The following APOB variants were observed in gnomAD, a reference collection of about 807,000 sequenced individuals.
The protein encoded by APOB is apolipoprotein B-100.
APOB carries 153 observed loss-of-function variants against 314.1 expected under a neutral mutation model. That is an observed-to-expected ratio of 0.49 (90% CI 0.43 to 0.56). APOB has a LOEUF of 0.56. Among genes scored for constraint, APOB ranks in the 20% least tolerant of loss-of-function variants. The probability of loss-of-function intolerance (pLI) is 0.00; values close to 1 mark genes in which losing one functional copy is unlikely to be tolerated. For synonymous variants in APOB, 2,087 were observed against 2,036.4 expected (o/e 1.02, Z -0.67); for missense variants, 5,430 against 5,350.7 (o/e 1.01, Z -0.46).
chr2:21,004,860 C>T (rs1285365996), intron 26 of APOB, among the ~76,000 whole-genome samples, 185 bp from the exon 27 acceptor site: 1 of 152,190 alleles, frequency 6.6e-6, no homozygotes, highest in Non-Finnish European at 1.5e-5. Context: ...AAAATAATTA[C>T]AGAAAAATCC....
chr2:21,005,663 C>T lies in APOB; in HGVS notation c.11205G>A (p.Leu3735=), dbSNP rs1271352889. ...VLADKFIIPG[L]KLNDLNSVLV... The stretch of plus-strand genomic sequence containing the variant: ...GAACTGAATTTAGATCATTTAGTTT[C>T]AGCCCAGGAATAATGAATTTATCAG... Residue 3735 remains leucine, a synonymous_variant, in exon 26 of 29, where the codon CTG becomes CTA. Coordinates refer to ENST00000233242, the MANE Select transcript of APOB (RefSeq NM_000384.3). The T allele has an allele frequency of 1.9e-6, 3 of 1,613,948 alleles. No homozygotes were observed. The highest frequency in any genetic ancestry group is 2.5e-6 in the Non-Finnish European group (3 of 1,179,956).
Position 21,019,457 on chromosome 2 carries a change from C to A in APOB, c.2999+266G>T, listed in dbSNP as rs185721706. 5.5e-3 allele frequency among the ~76,000 whole-genome samples: 836 copies of A among 152,176 alleles called. 6 individuals are homozygous for A. The highest frequency in any genetic ancestry group is 0.019 in the African/African-American group (797 of 41,522). On this transcript the variant is annotated intron_variant, in intron 19 of 28. Transcript: ENST00000233242. The stretch of plus-strand genomic sequence containing the variant: ...TTGGTGGGCTCCAGGAAGCTCATAG[C>A]GATGGGTCTGGAGGCTCAGAAACAT...
chr2:21,005,468 A>C lies in APOB; in HGVS notation c.11400T>G (p.Tyr3800Ter), dbSNP rs376032650. Residue 3800 changes from tyrosine to a stop codon, truncating the protein, a stop_gained, in exon 26 of 29, where the codon TAT (tyrosine) becomes TAG (stop). Coordinates refer to ENST00000233242, the MANE Select transcript of APOB (RefSeq NM_000384.3). LOFTEE classifies it high-confidence loss of function. ...KFPEVDVLTK[Y>*]SQPEDSLIPF... ...GAATCAAGGAGTCTTCTGGTTGAGAATATTTTGTTAACACATCAACTTCAG... is the reference window on the plus strand; with the variant it reads ...GAATCAAGGAGTCTTCTGGTTGAGACTATTTTGTTAACACATCAACTTCAG... 1.2e-6 allele frequency: 2 copies of C among 1,613,964 alleles called. No homozygotes were observed. The highest frequency in any genetic ancestry group is 8.5e-7 in the Non-Finnish European group (1 of 1,179,988).
intron 10 of APOB, among the ~76,000 whole-genome samples, chr2:21,031,879 C>G (rs1283645588): frequency 6.6e-6 from 1 of 151,654 alleles, no homozygotes; most frequent in East Asian, 1.9e-4. Context: ...AAAAACAAAA[C>G]AAACAAACAA....
chr2:21,028,259 C>G, intron 13 of APOB, 68 bp downstream of exon 13: 1 of 1,428,320 alleles, frequency 7.0e-7, no homozygotes, highest in Admixed American at 1.7e-5. Flanking sequence ...GTGGCTATGC[C>G]AAAACCTAGG....
In APOB at chr2:21,014,554, G is replaced by A. The variant is rs1443383340; in HGVS notation, c.3736C>T (p.Pro1246Ser). Reference protein sequence around the residue: ...SWLQKASGSLPYTQTLQDHLN... With the variant: ...SWLQKASGSLSYTQTLQDHLN... ...TGGTCTTGCAAAGTCTGGGTATAAGGAAGACTCCCAGATGCCTTCTGAAGC... is the reference window on the plus strand; with the variant it reads ...TGGTCTTGCAAAGTCTGGGTATAAGAAAGACTCCCAGATGCCTTCTGAAGC... The change falls in exon 24 of 29, where the codon CCT (proline) becomes TCT (serine). Residue 1246 changes from proline to serine, a missense_variant. Coordinates refer to ENST00000233242, the MANE Select transcript of APOB (RefSeq NM_000384.3). The A allele has an allele frequency of 1.2e-6, 2 of 1,613,916 alleles. No homozygotes were observed. Among genetic ancestry groups the A allele is most frequent in the Non-Finnish European group, 1.7e-6 (2 of 1,179,980 alleles).
chr2:21,018,498 AGT>A (rs1663528684), intron 20 of APOB, among the ~76,000 whole-genome samples: 4 of 152,188 alleles, frequency 2.6e-5, no homozygotes, highest in South Asian at 2.1e-4. Flanking sequence ...ACATGGTAGT[AGT>A]GTGTCAGCCT....
At chr2:21,029,405 T>C (rs1289518803) in intron 12 of APOB, among the ~76,000 whole-genome samples, 1 of 151,124 alleles carries the variant, frequency 6.6e-6, no homozygotes, top group African/African-American at 2.4e-5. Context: ...TGAGCCGAGA[T>C]CATGCCACTG....
At chr2:21,031,236 G>A (rs763753676) in intron 10 of APOB, among the ~76,000 whole-genome samples, 3 of 152,222 alleles carry the variant, frequency 2.0e-5, no homozygotes, top group Non-Finnish European at 4.4e-5. Flanking sequence ...GATTAAAAAT[G>A]TGAAATGTAT....
chr2:21,004,557 A>G lies in APOB; in HGVS notation c.11903+4T>C, dbSNP rs541636629. On this transcript the variant is annotated splice_donor_region_variant and intron_variant, in intron 27 of 28. Coordinates refer to ENST00000233242, the MANE Select transcript of APOB (RefSeq NM_000384.3). ...AAGGTTTCAATTCAATAAAAGCTCC[A>G]TACTGAAGTCCTTCATATTTGCCAT... is the stretch of plus-strand genomic sequence containing the variant. The G allele has an allele frequency of 1.9e-6, 3 of 1,613,384 alleles. No individual in the cohort carries two copies. Among genetic ancestry groups the G allele is most frequent in the East Asian group, 4.5e-5 (2 of 44,880 alleles).
rs1439020124 is a variant in APOB, at chr2:21,006,032, A to G, written c.10836T>C (p.Asp3612=). ...CCACTTCCTGGCCAAGGTCAGGGAA[A>G]TCATGGAAGGAACTGGGCTGACTTG... ...VHASQPSSFH[D]FPDLGQEVAL... Residue 3612 remains aspartate (D), a synonymous_variant, in exon 26 of 29, where the codon GAT becomes GAC. Transcript: ENST00000233242. 3.1e-6 allele frequency: 5 copies of G among 1,614,008 alleles called. No homozygotes were observed. Among genetic ancestry groups the G allele is most frequent in the Non-Finnish European group, 4.2e-6 (5 of 1,179,962 alleles).
Position 21,012,220 on chromosome 2 carries a change from G to A in APOB, c.4648C>T (p.Leu1550=). The change falls in exon 26 of 29, where the codon CTG becomes TTG. Residue 1550 remains leucine (L), a synonymous_variant. Coordinates refer to ENST00000233242, the MANE Select transcript of APOB (RefSeq NM_000384.3). ...GTATTTTTAATGATGCCACTTTGCA[G>A]ATCAGAGGTGGAGGTGAGGGAGAGG... ...GTLSLTSTSD[L]QSGIIKNTAS... 1.2e-6 allele frequency: 2 copies of A among 1,608,980 alleles called. No individual in the cohort carries two copies. Among genetic ancestry groups the A allele is most frequent in the Non-Finnish European group, 1.7e-6 (2 of 1,176,524 alleles).
At chr2:21,040,917 C>T in intron 4 of APOB, 21 bp downstream of exon 4, 3 of 1,613,476 alleles carry the variant, frequency 1.9e-6, no homozygotes, top group Non-Finnish European at 2.5e-6. Context: ...CATGCGTGTG[C>T]TCATGTACAA....
In APOB at chr2:21,043,848, G is replaced by A. The variant is rs1383414799; in HGVS notation, c.82+16C>T. 1.2e-5 allele frequency: 18 copies of A among 1,528,866 alleles called. No homozygotes were observed. Among genetic ancestry groups the A allele is most frequent in the East Asian group, 4.9e-5 (2 of 40,550 alleles). 94.7% of individuals were successfully genotyped at this position (1,528,866 alleles called of 1,614,324 possible). A position where few individuals can be genotyped will look rare whatever the true frequency, so the allele number is the denominator to read the frequency against. Reference sequence around the variant, plus strand: ...CTCCCGCTCCCTCTGCGCCCGCAGAGCGGCCGCGCACTCACCGGCCCTGGC... The same window carrying A: ...CTCCCGCTCCCTCTGCGCCCGCAGAACGGCCGCGCACTCACCGGCCCTGGC... On this transcript the variant is annotated intron_variant, in intron 1 of 28. Coordinates refer to ENST00000233242, the MANE Select transcript of APOB (RefSeq NM_000384.3).
Position 21,016,480 on chromosome 2 carries a change from C to T in APOB, c.3291G>A (p.Gln1097=). ...KTSYRLTLDI[Q]NKKITEVALM... ...GGGCGACCTCAGTAATTTTCTTGTT[C>T]TGAATGTCCAGGGTGAGTCTGTAAG... is the stretch of plus-strand genomic sequence containing the variant. The change falls in exon 21 of 29, where the codon CAG becomes CAA. Residue 1097 remains glutamine (Q), a synonymous_variant. Transcript: ENST00000233242. 1 of 1,612,334 alleles carries T rather than the reference C, an allele frequency of 6.2e-7. No homozygotes were observed. Among genetic ancestry groups the T allele is most frequent in the African/African-American group, 1.3e-5 (1 of 74,994 alleles).
At position 21,044,004 on chromosome 2, in the gene APOB, G is replaced by T; in HGVS notation, c.-59C>A. The T allele has an allele frequency of 1.1e-6, 1 of 929,686 alleles. No homozygotes were observed. Among genetic ancestry groups the T allele is most frequent in the Non-Finnish European group, 1.4e-6 (1 of 719,264 alleles). 57.6% of individuals were successfully genotyped at this position (929,686 alleles called of 1,614,324 possible). On this transcript the variant is annotated 5_prime_UTR_variant, in exon 1 of 29. Transcript: ENST00000233242. The stretch of plus-strand genomic sequence containing the variant: ...GCCTGGCCTCGGCCTCGCGGCCCTG[G>T]CTGGCTGGGCGGGCTCCTCAGCGGC...
intron 12 of APOB, 127 bp from the exon 13 acceptor site, chr2:21,028,665 C>T (rs2103375791): frequency 2.9e-6 from 2 of 697,738 alleles, no homozygotes; most frequent in East Asian, 5.3e-5. Flanking sequence ...AATCGTTCTT[C>T]AAATGCTGGT....
chr2:21,002,523 T>G lies in APOB; in HGVS notation c.12899A>C (p.Gln4300Pro), dbSNP rs772302023. Residue 4300 changes from glutamine (Q) to proline (P), a missense_variant, in exon 29 of 29, where the codon CAG becomes CCG. Physicochemically the swap from Gln to Pro is moderately conservative, Grantham distance 76 (BLOSUM62 -1). Coordinates refer to ENST00000233242, the MANE Select transcript of APOB (RefSeq NM_000384.3). ...LKTTEVLRNL[Q>P]DLLQFIFQLI... ...TTGGAAAATGAATTGTAAAAGGTCC[T>G]GAAGATTACGTAGCACCTCTGTGGT... 1 of 1,613,772 alleles carries G rather than the reference T, an allele frequency of 6.2e-7. No individual in the cohort carries two copies. The highest frequency in any genetic ancestry group is 8.5e-7 in the Non-Finnish European group (1 of 1,179,706).
Position 21,033,432 on chromosome 2 carries a change from C to T in APOB, c.991G>A (p.Glu331Lys). Residue 331 changes from glutamate (E) to lysine (K), a missense_variant, in exon 9 of 29, where the codon GAA becomes AAA. Glu to Lys is a moderately conservative substitution (Grantham distance 56). Around this residue, in one of 3 missense-constraint regions of APOB, gnomAD observed 2,085 missense variants for 2,079.7 expected, o/e 1.00. Coordinates refer to ENST00000233242, the MANE Select transcript of APOB (RefSeq NM_000384.3). Reference protein sequence around the residue: ...QAEAVLKTLQELKKLTISEQN... With the variant: ...QAEAVLKTLQKLKKLTISEQN... ...TCAGAGATGGTTAGTTTTTTCAGTT[C>T]CTGGAGAGTCTTCAAAACAGCTTCG... 6.2e-7 allele frequency: 1 copy of T among 1,614,120 alleles called. No homozygotes were observed. Among genetic ancestry groups the T allele is most frequent in the Non-Finnish European group, 8.5e-7 (1 of 1,180,034 alleles).
Sources: allele counts gnomAD v4.1 joint callset (sites outside exome capture counted in the v4.1 genomes callset), GRCh38; gene constraint gnomAD v4.1.1; regional missense constraint gnomAD v4.1.1; transcripts MANE v1.5; gene names NCBI Gene and HGNC (gene_info 2026-07-23, HGNC 2026-07-21).